Variants in CTNNA1 observed in about 807,000 individuals in gnomAD.
CTNNA1 encodes the protein catenin alpha 1, also known as catenin alpha-1.
CTNNA1 carries 37 observed loss-of-function variants against 98.4 expected under a neutral mutation model. The observed-to-expected ratio is 0.38, with a 90% CI of 0.29 to 0.49. The LOEUF (loss-of-function observed/expected upper bound fraction) is 0.49, where lower values mean the gene tolerates loss of function less well. CTNNA1 is among the 20% of genes least tolerant of loss of function. The probability of loss-of-function intolerance (pLI) is 0.95; values close to 1 mark genes in which losing one functional copy is unlikely to be tolerated. For synonymous variants in CTNNA1, 404 were observed against 413.2 expected, an observed-to-expected ratio of 0.98 and a Z score of 0.27; for missense variants, 761 against 1,147.2, an observed-to-expected ratio of 0.66 and a Z score of 4.86.
intron 7 of CTNNA1, among the ~76,000 whole-genome samples, chr5:138,860,478 C>T (rs1379222334): frequency 2.8e-5 from 4 of 142,178 alleles, no homozygotes; most frequent in Non-Finnish European, 6.0e-5. Flanking sequence ...CTTAGACTGG[C>T]AGGGTTTGGT....
At chr5:138,754,219 G>T (rs1419372702) in intron 1 of CTNNA1, 2 of 147,012 alleles carry the variant, frequency 1.4e-5, no homozygotes, top group African/African-American at 5.0e-5. Context: ...TTTCAGGAGT[G>T]GCATTAGAGA....
chr5:138,843,971 A>G (rs1287564265), intron 7 of CTNNA1, among the ~76,000 whole-genome samples: 2 of 152,268 alleles, frequency 1.3e-5, no homozygotes, highest in Non-Finnish European at 2.9e-5. Context: ...AGAAGGTCAA[A>G]AGTGATCATT....
intron 7 of CTNNA1, among the ~76,000 whole-genome samples, chr5:138,852,084 A>G (rs1763239141): frequency 6.6e-6 from 1 of 152,166 alleles, no homozygotes; most frequent in African/African-American, 2.4e-5. Flanking sequence ...AAAATAAAAA[A>G]TAAATAAATA....
intron 10 of CTNNA1, among the ~76,000 whole-genome samples, chr5:138,911,949 G>A (rs920464635): frequency 5.3e-5 from 8 of 152,186 alleles, no homozygotes; most frequent in African/African-American, 9.7e-5. Flanking sequence ...CTGGAAGGAC[G>A]GAGTTCCCAT....
chr5:138,839,251 T>C (rs962803629), intron 7 of CTNNA1, among the ~76,000 whole-genome samples: 17 of 152,124 alleles, frequency 1.1e-4, no homozygotes, highest in African/African-American at 4.1e-4. Flanking sequence ...TGAGACGAAG[T>C]CTTGCTCTGT....
rs997403216 is a variant in CTNNA1, at chr5:138,816,706, C to CT, written c.588+4416dup. Among the ~76,000 whole-genome samples the CT allele has an allele frequency of 8.6e-3, 1,237 of 144,086 alleles. 8 individuals are homozygous for CT. The highest frequency in any genetic ancestry group is 0.022 in the Middle Eastern group (6 of 276). 94.5% of individuals were successfully genotyped at this position (144,086 alleles called of 152,430 possible). A position where few individuals can be genotyped will look rare whatever the true frequency, so the allele number is the denominator to read the frequency against. ...AGAAATGTATGTTTAGCTCATTTGT[C>CT]TTTTTTTTTTTTAAGACAGAGTTTT... On this transcript the variant is annotated intron_variant, in intron 5 of 17. Transcript: ENST00000302763.
intron 9 of CTNNA1, among the ~76,000 whole-genome samples, chr5:138,903,893 A>G (rs774939235): frequency 2.6e-5 from 4 of 152,144 alleles, no homozygotes; most frequent in East Asian, 1.9e-4. Flanking sequence ...TTAAGCATCT[A>G]TTCCCTGTCA....
At chr5:138,760,630 T>C (rs1752252510) in intron 1 of CTNNA1, among the ~76,000 whole-genome samples, 1 of 152,180 alleles carries the variant, frequency 6.6e-6, no homozygotes, top group African/African-American at 2.4e-5. Context: ...CCTCGAAAAC[T>C]GCTGGGATTA....
chr5:138,779,438 T>C (rs766760030), intron 1 of CTNNA1, among the ~76,000 whole-genome samples: 8 of 152,214 alleles, frequency 5.3e-5, no homozygotes, highest in Non-Finnish European at 1.2e-4. Context: ...TTCCTGTGTC[T>C]TTTGATATGA....
At chr5:138,859,942 A>G (rs879919681) in intron 7 of CTNNA1, among the ~76,000 whole-genome samples, 14 of 152,194 alleles carry the variant, frequency 9.2e-5, no homozygotes, top group Admixed American at 2.6e-4. Context: ...CTAACCTTTC[A>G]TAAGTATATC....
chr5:138,927,039 G>C lies in CTNNA1; in HGVS notation c.1899+1632G>C, dbSNP rs531276644. ...ATCTGCTTTATCTGTGAATTCTTTT[G>C]GCTCTCCGTTCACAGTAGAGAACCT... On this transcript the variant is annotated intron_variant, in intron 13 of 17. Transcript: ENST00000302763. 5.3e-5 allele frequency among the ~76,000 whole-genome samples: 8 copies of C among 152,062 alleles called. 1 individual carries two copies. The East Asian group carries it at 1.5e-3, about 29-fold the overall frequency.
chr5:138,818,281 T>TCG, intron 5 of CTNNA1, among the ~76,000 whole-genome samples: 1 of 149,112 alleles, frequency 6.7e-6, no homozygotes, highest in Non-Finnish European at 1.5e-5. Flanking sequence ...TTTTTTTTTT[T>TCG]GGGAGCGGGG....
intron 7 of CTNNA1, among the ~76,000 whole-genome samples, chr5:138,854,175 T>A (rs1198876214): frequency 2.0e-5 from 3 of 152,196 alleles, no homozygotes; most frequent in Non-Finnish European, 2.9e-5. Flanking sequence ...TCTGCAAAAA[T>A]GTGTGTGGAT....
At chr5:138,828,512 G>T (rs1210798935) in intron 7 of CTNNA1, among the ~76,000 whole-genome samples, 4 of 151,886 alleles carry the variant, frequency 2.6e-5, no homozygotes, top group Admixed American at 2.0e-4. Flanking sequence ...TTAGACCTTG[G>T]ACCCAATATT....
intron 3 of CTNNA1, among the ~76,000 whole-genome samples, chr5:138,801,973 A>C (rs1392768546): frequency 6.6e-6 from 1 of 152,216 alleles, no homozygotes; most frequent in Non-Finnish European, 1.5e-5. Context: ...GTCCAAGAGA[A>C]TGTGTGATGT....
intron 10 of CTNNA1, among the ~76,000 whole-genome samples, chr5:138,909,238 T>C (rs1176360153): frequency 1.3e-5 from 2 of 152,192 alleles, no homozygotes; most frequent in African/African-American, 4.8e-5. Context: ...AATACAAATC[T>C]GGCACTTAAA....
chr5:138,824,898 A>G lies in CTNNA1; in HGVS notation c.858+99A>G, dbSNP rs573061753. The G allele has an allele frequency of 3.0e-5, 32 of 1,080,344 alleles. No individual in the cohort carries two copies. The Middle Eastern group carries it at 1.2e-3, about 39-fold the overall frequency. The allele number at this position is 1,080,344 out of a possible 1,614,324, so 66.9% of individuals were successfully genotyped here. A position where few individuals can be genotyped will look rare whatever the true frequency, so the allele number is the denominator to read the frequency against. On this transcript the variant is annotated intron_variant, in intron 6 of 17. Transcript: ENST00000302763. ...GATCAAGGCTTCTGATGATAGCTCA[A>G]TTTCCACTTAGATCTTTAATCTAAG...
At chr5:138,834,593 C>T (rs759411062) in intron 7 of CTNNA1, among the ~76,000 whole-genome samples, 6 of 152,100 alleles carry the variant, frequency 3.9e-5, no homozygotes, top group South Asian at 2.1e-4. Context: ...CATTGTACAT[C>T]GTCCCAAGTT....
Position 138,905,187 on chromosome 5 carries a change from G to A in CTNNA1, c.1389+746G>A, listed in dbSNP as rs58835712. Among the ~76,000 whole-genome samples the A allele has an allele frequency of 1.2e-3, 190 of 152,174 alleles. 3 individuals are homozygous for A. In the East Asian group the frequency reaches 0.037, roughly 29 times the overall value. ...CACCTGTAGTCCCAGCCACTCAGGA[G>A]GCTATGGTGGGAGGCTGGCTTGAGC... On this transcript the variant is annotated intron_variant, in intron 10 of 17. Coordinates refer to ENST00000302763, the MANE Select transcript of CTNNA1 (RefSeq NM_001903.5).
Sources: gnomAD v4.1 joint callset for allele counts (sites outside exome capture counted in the v4.1 genomes callset) on GRCh38, gnomAD v4.1.1 for gene constraint, MANE v1.5 for transcripts, NCBI Gene and HGNC (gene_info 2026-07-23, HGNC 2026-07-21) for gene names.